The following ATL1 variants were observed in gnomAD, a reference collection of about 807,000 sequenced individuals.
ATL1 encodes the protein atlastin GTPase 1, also known as atlastin-1.
In ATL1, 31 loss-of-function variants were observed where a neutral mutation model predicts 75.5. The ratio of observed to expected loss-of-function variants is 0.41; its 90% confidence interval spans 0.31 to 0.55. The LOEUF (loss-of-function observed/expected upper bound fraction) is 0.55, where lower values mean the gene tolerates loss of function less well. ATL1 is among the 20% of genes least tolerant of loss of function. The probability of loss-of-function intolerance (pLI) is 0.27; values close to 1 mark genes in which losing one functional copy is unlikely to be tolerated. For missense variants in ATL1, 405 were observed against 662.6 expected (o/e 0.61, Z 4.27); for synonymous variants, 226 against 233.3 (o/e 0.97, Z 0.28).
chr14:50,626,918 C>T (rs2039526334), intron 11 of ATL1, among the ~76,000 whole-genome samples: 1 of 152,166 alleles, frequency 6.6e-6, no homozygotes, highest in Non-Finnish European at 1.5e-5. Flanking sequence ...CTTTTCCTTT[C>T]CAGGGCTTTA....
At chr14:50,600,960 TCCA>T (rs2039266218) in intron 6 of ATL1, among the ~76,000 whole-genome samples, 2 of 151,610 alleles carry the variant, frequency 1.3e-5, no homozygotes, top group African/African-American at 4.8e-5. Context: ...AGAAAAAAAA[TCCA>T]CAAAGAACTA....
chr14:50,535,649 T>C (rs1207932493), intron 1 of ATL1, among the ~76,000 whole-genome samples: 1 of 152,238 alleles, frequency 6.6e-6, no homozygotes, highest in Admixed American at 6.5e-5. Context: ...TATAGGGCAA[T>C]TTTTATATAA....
Position 50,585,425 on chromosome 14 carries a change from T to A in ATL1, c.35-2406T>A, listed in dbSNP as rs189124046. Among the ~76,000 whole-genome samples, 707 of 152,296 alleles carry A rather than the reference T, an allele frequency of 4.6e-3. 6 individuals are homozygous for A. The highest frequency in any genetic ancestry group is 5.3e-3 in the Non-Finnish European group (360 of 68,024). ...TCTAGCTTGGGTCTGTGATTCACAT[T>A]TGTGTGCTCAGATCATAATTAAATC... On this transcript the variant is annotated intron_variant, in intron 1 of 13. Transcript: ENST00000358385.
intron 1 of ATL1, among the ~76,000 whole-genome samples, chr14:50,562,950 C>T (rs890957143): frequency 3.3e-5 from 5 of 152,146 alleles, no homozygotes; most frequent in South Asian, 2.1e-4. Context: ...TAGCCAACAT[C>T]GTTAAGCTAA....
chr14:50,594,139 G>T (rs982268861), intron 5 of ATL1, among the ~76,000 whole-genome samples: 1 of 152,186 alleles, frequency 6.6e-6, no homozygotes. Flanking sequence ...AGTCATGGCC[G>T]AAGGCAAAGG....
chr14:50,616,823 G>C (rs1359222498), intron 8 of ATL1, among the ~76,000 whole-genome samples: 1 of 152,168 alleles, frequency 6.6e-6, no homozygotes, highest in Non-Finnish European at 1.5e-5. Context: ...CTTTTGTGCA[G>C]AAATATCGTA....
At chr14:50,596,612 T>A (rs74952184) in intron 6 of ATL1, among the ~76,000 whole-genome samples, 2 of 152,210 alleles carry the variant, frequency 1.3e-5, no homozygotes, top group African/African-American at 4.8e-5. Flanking sequence ...TTTCGAAGGA[T>A]TGAATTCATA....
chr14:50,599,173 A>G (rs1314883480), intron 6 of ATL1, among the ~76,000 whole-genome samples: 11 of 152,212 alleles, frequency 7.2e-5, no homozygotes, highest in Admixed American at 7.2e-4. Context: ...TGACAATGTC[A>G]AAGTCAACAA....
At chr14:50,630,824 T>TA (rs1221807132) in intron 13 of ATL1, 1 of 351,932 alleles carries the variant, frequency 2.8e-6, no homozygotes, top group African/African-American at 2.2e-5. Flanking sequence ...TTCAGCTTTG[T>TA]AAATCAAAGC....
At chr14:50,599,450 C>T (rs2039251220) in intron 6 of ATL1, among the ~76,000 whole-genome samples, 1 of 152,156 alleles carries the variant, frequency 6.6e-6, no homozygotes, top group African/African-American at 2.4e-5. Context: ...AATGGGAACA[C>T]TCAGGCCCTA....
rs1214927535 is a variant in ATL1, at chr14:50,595,611, A to G, written c.609A>G (p.Glu203=). The part of the protein sequence containing the change: ...FTEYGRLAME[E]TFLKPFQSLI... Reference sequence around the variant, plus strand: ...AGTATGGCAGACTGGCAATGGAGGAAACATTCCTGAAGCCATTTCAGGTGA... The same window carrying G: ...AGTATGGCAGACTGGCAATGGAGGAGACATTCCTGAAGCCATTTCAGGTGA... The change falls in exon 6 of 14, where the codon GAA becomes GAG. Residue 203 remains glutamate, a synonymous_variant. Transcript: ENST00000358385. The G allele has an allele frequency of 1.9e-6, 3 of 1,613,828 alleles. No individual in the cohort carries two copies. Among genetic ancestry groups the G allele is most frequent in the Non-Finnish European group, 1.7e-6 (2 of 1,179,986 alleles).
chr14:50,576,120 C>T (rs140260234), intron 1 of ATL1, among the ~76,000 whole-genome samples: 2 of 152,126 alleles, frequency 1.3e-5, no homozygotes, highest in African/African-American at 4.8e-5. Context: ...TTTTCACTTT[C>T]AATACAGTAT....
At chr14:50,598,923 A>G (rs2039246489) in intron 6 of ATL1, among the ~76,000 whole-genome samples, 1 of 152,240 alleles carries the variant, frequency 6.6e-6, no homozygotes. Flanking sequence ...TTTTTACTAA[A>G]TACTGTAATA....
chr14:50,621,645 A>G (rs1320621874), intron 9 of ATL1, among the ~76,000 whole-genome samples, 198 bp from the exon 10 acceptor site: 1 of 152,220 alleles, frequency 6.6e-6, no homozygotes, highest in Non-Finnish European at 1.5e-5. Flanking sequence ...GCAGACAGAG[A>G]TGTTTGAAAA....
intron 6 of ATL1, among the ~76,000 whole-genome samples, chr14:50,608,160 G>A (rs1291269324): frequency 2.0e-5 from 3 of 151,990 alleles, no homozygotes; most frequent in Non-Finnish European, 4.4e-5. Flanking sequence ...AGCAAATTAG[G>A]CTAATTTGTA....
At chr14:50,586,204 C>A (rs1043479593) in intron 1 of ATL1, among the ~76,000 whole-genome samples, 3 of 152,100 alleles carry the variant, frequency 2.0e-5, no homozygotes, top group Non-Finnish European at 4.4e-5. Context: ...ATTTAAGAGT[C>A]CAGTTTGTTT....
rs761583539 is a variant in ATL1, at chr14:50,588,004, G to T, written c.208G>T (p.Val70Leu). 2.2e-5 allele frequency: 36 copies of T among 1,614,196 alleles called. No individual in the cohort carries two copies. The South Asian group carries it at 3.6e-4, about 16-fold the overall frequency. ...TGTCAGAGACAAGGAGGTTGTTGCT[G>T]TATCTGTTGCTGGAGCATTTAGAAA... ...EAVRDKEVVA[V>L]SVAGAFRKGK... Residue 70 changes from valine (V) to leucine (L), a missense_variant, in exon 2 of 14, where the codon GTA (valine) becomes TTA (leucine). Val to Leu is a conservative substitution (Grantham distance 32). Coordinates refer to ENST00000358385, the MANE Select transcript of ATL1 (RefSeq NM_015915.5).
chr14:50,621,014 G>A (rs1441537473), intron 9 of ATL1, among the ~76,000 whole-genome samples: 1 of 152,108 alleles, frequency 6.6e-6, no homozygotes, highest in African/African-American at 2.4e-5. Context: ...AAAGTCTTTT[G>A]GGGGGATGGG....
intron 1 of ATL1, among the ~76,000 whole-genome samples, chr14:50,565,055 G>A (rs2038889710): frequency 6.6e-6 from 1 of 152,092 alleles, no homozygotes; most frequent in Non-Finnish European, 1.5e-5. Flanking sequence ...GGGAGGCCAA[G>A]GTGGGCAGAT....
Sources: gnomAD v4.1 joint callset for allele counts (sites outside exome capture counted in the v4.1 genomes callset) on GRCh38, gnomAD v4.1.1 for gene constraint, MANE v1.5 for transcripts, NCBI Gene and HGNC (gene_info 2026-07-23, HGNC 2026-07-21) for gene names.